The following ADD3 variants were observed in gnomAD, a reference collection of about 807,000 sequenced individuals.
ADD3 encodes gamma-adducin.
In ADD3, 25 loss-of-function variants were observed where a neutral mutation model predicts 80.2. The ratio of observed to expected loss-of-function variants is 0.31; its 90% CI spans 0.23 to 0.44. The LOEUF (loss-of-function observed/expected upper bound fraction) is 0.44, where lower values mean the gene tolerates loss of function less well. ADD3 is among the 20% of genes least tolerant of loss of function. The pLI, the probability that ADD3 is intolerant of heterozygous loss-of-function variation, is 1.00. For missense variants in ADD3, 829 were observed against 847.5 expected (o/e 0.98, Z 0.27); for synonymous variants, 284 against 289.6 (o/e 0.98, Z 0.20).
intron 1 of ADD3, among the ~76,000 whole-genome samples, chr10:110,051,536 G>C (rs928800651): frequency 2.0e-5 from 3 of 152,158 alleles, no homozygotes; most frequent in Non-Finnish European, 4.4e-5. Flanking sequence ...GCTAAATAGT[G>C]ATATATCCAT....
intron 3 of ADD3, among the ~76,000 whole-genome samples, chr10:110,114,340 A>T (rs1167507145): frequency 1.3e-5 from 2 of 152,206 alleles, no homozygotes; most frequent in South Asian, 4.1e-4. Flanking sequence ...TTACTTCAAA[A>T]CATCTCAAAA....
chr10:110,122,175 A>T lies in ADD3; in HGVS notation c.1026A>T (p.Lys342Asn), dbSNP rs1372457830. 2 of 1,614,178 alleles carry T rather than the reference A, an allele frequency of 1.2e-6. No homozygotes were observed. The highest frequency in any genetic ancestry group is 1.7e-6 in the Non-Finnish European group (2 of 1,180,004). ...ATGTACTGGACTTTCAGAAGTATAAAGCTTTCACTTACACTGTAGCAGCGT... is the reference window on the plus strand; with the variant it reads ...ATGTACTGGACTTTCAGAAGTATAATGCTTTCACTTACACTGTAGCAGCGT... The part of the protein sequence containing the change: ...NLHVLDFQKY[K>N]AFTYTVAASG... Residue 342 changes from lysine (K) to asparagine (N), a missense_variant, in exon 9 of 15, where the codon AAA (lysine) becomes AAT (asparagine). Coordinates refer to ENST00000356080, the MANE Select transcript of ADD3 (RefSeq NM_016824.5).
intron 8 of ADD3, 57 bp downstream of exon 8, chr10:110,119,621 T>C: frequency 6.9e-7 from 1 of 1,456,778 alleles, no homozygotes; most frequent in African/African-American, 1.4e-5. Context: ...TTTAGTTGGA[T>C]TTTGTGTACT....
chr10:110,003,280 T>C (rs1851522231), upstream of ADD3, among the ~76,000 whole-genome samples: 1 of 133,136 alleles, frequency 7.5e-6, no homozygotes, highest in African/African-American at 3.1e-5. Context: ...AGCTGAGAAG[T>C]TGTTAAATTG....
intron 1 of ADD3, among the ~76,000 whole-genome samples, chr10:110,050,050 T>G (rs1460271035): frequency 6.6e-6 from 1 of 152,118 alleles, no homozygotes. Context: ...GATTTTGATT[T>G]TATAGGCTCA....
intron 2 of ADD3, 105 bp from the exon 3 acceptor site, chr10:110,112,670 TAA>T: frequency 1.5e-6 from 2 of 1,311,134 alleles, no homozygotes; most frequent in Non-Finnish European, 2.1e-6. Flanking sequence ...ATAGTACAGG[TAA>T]AAGCTATTCA....
At chr10:110,092,431 C>T (rs1347925698) in intron 1 of ADD3, among the ~76,000 whole-genome samples, 1 of 151,934 alleles carries the variant, frequency 6.6e-6, no homozygotes, top group East Asian at 1.9e-4. Flanking sequence ...AACATGGATG[C>T]AGCTGGAGGC....
In ADD3 at chr10:110,030,236, T is replaced by C. The variant is rs139375601; in HGVS notation, c.-30+21937T>C. Among the ~76,000 whole-genome samples the C allele has an allele frequency of 5.5e-3, 819 of 149,870 alleles. 9 individuals carry two copies. Among genetic ancestry groups the C allele is most frequent in the African/African-American group, 0.019 (791 of 40,934 alleles). ...TACTAGGGAGGCTGAGGCAGGAGAA[T>C]CACTTGAACCCAGGAGGCGGAGGTT... is the stretch of plus-strand genomic sequence containing the variant. On this transcript the variant is annotated intron_variant, in intron 1 of 14. Coordinates refer to ENST00000356080, the MANE Select transcript of ADD3 (RefSeq NM_016824.5).
At chr10:110,050,281 C>T (rs1448139851) in intron 1 of ADD3, among the ~76,000 whole-genome samples, 2 of 152,132 alleles carry the variant, frequency 1.3e-5, no homozygotes, top group Admixed American at 6.5e-5. Flanking sequence ...TTCCCATGTG[C>T]CGTAGGAGGG....
chr10:110,069,949 C>A (rs992410207), intron 1 of ADD3, among the ~76,000 whole-genome samples: 1 of 152,160 alleles, frequency 6.6e-6, no homozygotes, highest in African/African-American at 2.4e-5. Flanking sequence ...ATTATACACA[C>A]CACAGTAAAC....
At chr10:110,057,075 C>T (rs1205440288) in intron 1 of ADD3, among the ~76,000 whole-genome samples, 1 of 152,070 alleles carries the variant, frequency 6.6e-6, no homozygotes, top group Non-Finnish European at 1.5e-5. Flanking sequence ...CCTTAGGTTG[C>T]AAAATATTTT....
intron 2 of ADD3, among the ~76,000 whole-genome samples, chr10:110,111,430 G>C (rs1420506292): frequency 6.6e-6 from 1 of 152,188 alleles, no homozygotes; most frequent in African/African-American, 2.4e-5. Context: ...GTGATATGAA[G>C]GATTGGGAGA....
chr10:110,031,796 A>G (rs1855058173), intron 1 of ADD3, among the ~76,000 whole-genome samples: 1 of 151,776 alleles, frequency 6.6e-6, no homozygotes, highest in African/African-American at 2.4e-5. Context: ...ACATGTATGT[A>G]TTATCTAAAA....
At chr10:110,063,737 T>TTA (rs139871560) in intron 1 of ADD3, among the ~76,000 whole-genome samples, 1,570 of 63,578 alleles carry the variant, frequency 0.025, 49 homozygotes, top group Non-Finnish European at 0.034. Context: ...TATATATTCA[T>TTA]TATATATATA....
At chr10:110,108,715 A>G (rs1194147536) in intron 2 of ADD3, among the ~76,000 whole-genome samples, 2 of 152,086 alleles carry the variant, frequency 1.3e-5, no homozygotes, top group Non-Finnish European at 2.9e-5. Context: ...GACTTAGGTG[A>G]TTATCTGAAC....
chr10:110,089,862 C>A (rs1327718484), intron 1 of ADD3, among the ~76,000 whole-genome samples: 2 of 152,114 alleles, frequency 1.3e-5, no homozygotes, highest in Admixed American at 1.3e-4. Flanking sequence ...TCTGAACTTT[C>A]TGTACATGTT....
intron 1 of ADD3, among the ~76,000 whole-genome samples, chr10:110,041,204 G>A (rs1856320597): frequency 2.0e-5 from 3 of 152,216 alleles, no homozygotes; most frequent in Admixed American, 2.0e-4. Flanking sequence ...TGGAGCACAA[G>A]CTAGAAGTTT....
At chr10:110,023,249 T>C (rs946064324) in intron 1 of ADD3, among the ~76,000 whole-genome samples, 9 of 152,150 alleles carry the variant, frequency 5.9e-5, no homozygotes, top group African/African-American at 2.2e-4. Context: ...AAAAGAGACC[T>C]CAGAGAGCTC....
intron 1 of ADD3, among the ~76,000 whole-genome samples, chr10:109,999,919 G>GTTTTTT (rs1211606435): frequency 8.6e-6 from 1 of 115,744 alleles, no homozygotes; most frequent in Non-Finnish European, 1.9e-5. Context: ...TCTTAAGGTT[G>GTTTTTT]TTTTTTTTTT....
Sources: gnomAD v4.1 joint callset for allele counts (sites outside exome capture counted in the v4.1 genomes callset) on GRCh38, gnomAD v4.1.1 for gene constraint, MANE v1.5 for transcripts, NCBI Gene and HGNC (gene_info 2026-07-23, HGNC 2026-07-21) for gene names.